The following SCCPDH variants were observed in gnomAD, a reference collection of about 807,000 sequenced individuals.
SCCPDH encodes the protein saccharopine dehydrogenase (putative), also known as saccharopine dehydrogenase-like oxidoreductase.
A neutral mutation model predicts 51.5 loss-of-function variants in SCCPDH; 34 were observed. The ratio of observed to expected loss-of-function variants is 0.66; its 90% CI spans 0.50 to 0.88. SCCPDH has a LOEUF of 0.88. SCCPDH is among the 40% of genes least tolerant of loss of function. The pLI is 0.00. For missense variants in SCCPDH, 464 were observed against 527.1 expected, an observed-to-expected ratio of 0.88 and a Z score of 1.17; for synonymous variants, 187 against 191.3, an observed-to-expected ratio of 0.98 and a Z score of 0.19.
chr1:246,734,403 TA>T (rs1460088203), intron 2 of SCCPDH, among the ~76,000 whole-genome samples: 1 of 152,260 alleles, frequency 6.6e-6, no homozygotes, highest in Non-Finnish European at 1.5e-5. Context: ...GATTTATAAG[TA>T]AATTCATATA....
chr1:246,757,736 G>A (rs1252291560), intron 5 of SCCPDH, among the ~76,000 whole-genome samples: 1 of 152,178 alleles, frequency 6.6e-6, no homozygotes, highest in Admixed American at 6.5e-5. Flanking sequence ...GGTGTTGGAG[G>A]TAGACGGGGA....
chr1:246,741,886 G>A (rs564571108), intron 4 of SCCPDH, among the ~76,000 whole-genome samples: 6 of 152,112 alleles, frequency 3.9e-5, no homozygotes, highest in Non-Finnish European at 5.9e-5. Flanking sequence ...GGCCAACATG[G>A]TGAAACCTTG....
chr1:246,731,998 A>G (rs1445596644), intron 2 of SCCPDH, among the ~76,000 whole-genome samples: 2 of 152,052 alleles, frequency 1.3e-5, no homozygotes, highest in Non-Finnish European at 2.9e-5. Context: ...TTTGCTCAGA[A>G]TGATGGTTTC....
At chr1:246,736,590 T>A (rs1411034311) in intron 3 of SCCPDH, among the ~76,000 whole-genome samples, 1 of 151,776 alleles carries the variant, frequency 6.6e-6, no homozygotes, top group Non-Finnish European at 1.5e-5. Context: ...CATCCCAGCT[T>A]CTTGGGAGGC....
chr1:246,743,307 G>A (rs980082029), intron 4 of SCCPDH, among the ~76,000 whole-genome samples: 1 of 152,046 alleles, frequency 6.6e-6, no homozygotes, highest in Admixed American at 6.6e-5. Flanking sequence ...ATTGGGGGCC[G>A]GGCATGGTGG....
intron 3 of SCCPDH, among the ~76,000 whole-genome samples, chr1:246,738,388 G>A (rs1572295763): frequency 6.6e-6 from 1 of 150,816 alleles, no homozygotes; most frequent in East Asian, 2.0e-4. Context: ...GTGCACGCCT[G>A]TAGTCCCAGC....
At chr1:246,759,376 G>A (rs1668979908) in intron 7 of SCCPDH, among the ~76,000 whole-genome samples, 1 of 152,134 alleles carries the variant, frequency 6.6e-6, no homozygotes, top group South Asian at 2.1e-4. Context: ...TAACACAATA[G>A]CAGCAAATTC....
chr1:246,751,874 G>A (rs1668855565), intron 5 of SCCPDH, among the ~76,000 whole-genome samples: 2 of 149,662 alleles, frequency 1.3e-5, no homozygotes, highest in African/African-American at 4.9e-5. Flanking sequence ...CCGGGTTCAT[G>A]CCATTCTCCT....
At chr1:246,724,797 A>ATG (rs781750629) in intron 1 of SCCPDH, among the ~76,000 whole-genome samples, 185 bp downstream of exon 1, 19 of 152,002 alleles carry the variant, frequency 1.2e-4, no homozygotes, top group Non-Finnish European at 2.1e-4. Flanking sequence ...CCTTAACTAT[A>ATG]TGTGTGTGTG....
chr1:246,736,821 C>T (rs1199673128), intron 3 of SCCPDH, among the ~76,000 whole-genome samples: 4 of 152,152 alleles, frequency 2.6e-5, no homozygotes, highest in Non-Finnish European at 5.9e-5. Flanking sequence ...TGAATGCTTA[C>T]CATATGCCCA....
chr1:246,751,441 T>A (rs779322156), intron 5 of SCCPDH, among the ~76,000 whole-genome samples: 2 of 152,228 alleles, frequency 1.3e-5, no homozygotes, highest in African/African-American at 2.4e-5. Flanking sequence ...TGCTTAAACC[T>A]TCAAAACAAT....
intron 1 of SCCPDH, among the ~76,000 whole-genome samples, chr1:246,725,631 C>G (rs1558164996): frequency 6.6e-6 from 1 of 152,222 alleles, no homozygotes; most frequent in South Asian, 2.1e-4. Flanking sequence ...GCTGGACTCT[C>G]CTACAGCTTT....
chr1:246,735,457 T>C (rs1668551298), intron 2 of SCCPDH, among the ~76,000 whole-genome samples: 1 of 152,230 alleles, frequency 6.6e-6, no homozygotes, highest in Non-Finnish European at 1.5e-5. Context: ...GAGGTAAGCA[T>C]ACATTGCTCT....
intron 5 of SCCPDH, among the ~76,000 whole-genome samples, chr1:246,756,967 A>G (rs957721265): frequency 1.3e-5 from 2 of 152,226 alleles, no homozygotes; most frequent in African/African-American, 4.8e-5. Context: ...AGGACATAAT[A>G]CAATTATGTA....
At chr1:246,761,075 C>A (rs1241018924) in intron 9 of SCCPDH, among the ~76,000 whole-genome samples, 1 of 151,822 alleles carries the variant, frequency 6.6e-6, no homozygotes, top group Non-Finnish European at 1.5e-5. Flanking sequence ...GGATGATATA[C>A]TCCCTGTACA....
chr1:246,749,012 C>T (rs1668811352), intron 5 of SCCPDH, among the ~76,000 whole-genome samples: 1 of 152,204 alleles, frequency 6.6e-6, no homozygotes, highest in Non-Finnish European at 1.5e-5. Flanking sequence ...CCGTGAAAGG[C>T]ACGAGGTGAA....
chr1:246,765,548 T>C (rs1007162210), intron 10 of SCCPDH, among the ~76,000 whole-genome samples: 7 of 152,252 alleles, frequency 4.6e-5, no homozygotes, highest in African/African-American at 1.7e-4. Context: ...TTTTAACTTA[T>C]GTTTAGTCGT....
At chr1:246,761,913 A>G (rs1669021703) in intron 9 of SCCPDH, among the ~76,000 whole-genome samples, 1 of 152,236 alleles carries the variant, frequency 6.6e-6, no homozygotes, top group South Asian at 2.1e-4. Context: ...ATACTCAGAA[A>G]TGGAATGCTA....
intron 2 of SCCPDH, among the ~76,000 whole-genome samples, chr1:246,729,263 C>G (rs1277536818): frequency 6.6e-6 from 1 of 152,204 alleles, no homozygotes; most frequent in Non-Finnish European, 1.5e-5. Flanking sequence ...GGTACGAGAG[C>G]AGACAACCAG....
Sources: gnomAD v4.1 joint callset for allele counts (sites outside exome capture counted in the v4.1 genomes callset) on GRCh38, gnomAD v4.1.1 for gene constraint, MANE v1.5 for transcripts, NCBI Gene and HGNC (gene_info 2026-07-23, HGNC 2026-07-21) for gene names.